The following RPGRIP1L variants were observed in gnomAD, a reference collection of about 807,000 sequenced individuals.
RPGRIP1L encodes the protein protein fantom.
Under a neutral mutation model 160.4 loss-of-function variants are expected in RPGRIP1L, and 131 were observed. The ratio of observed to expected loss-of-function variants is 0.82; its 90% CI spans 0.71 to 0.94. The LOEUF (loss-of-function observed/expected upper bound fraction) is 0.94, where lower values mean the gene tolerates loss of function less well. RPGRIP1L is among the 40% of genes least tolerant of loss of function. The pLI, the probability that RPGRIP1L is intolerant of heterozygous loss-of-function variation, is 0.00. For synonymous variants in RPGRIP1L, 510 were observed against 515.8 expected, an observed-to-expected ratio of 0.99 and a Z score of 0.15; for missense variants, 1,522 against 1,535.8, an observed-to-expected ratio of 0.99 and a Z score of 0.15.
At chr16:53,695,355 G>A in intron 3 of RPGRIP1L, 1 of 702,962 alleles carries the variant, frequency 1.4e-6, no homozygotes, top group South Asian at 1.5e-5. Context: ...GGTTGTTGAA[G>A]TCCACAGAGT....
intron 22 of RPGRIP1L, among the ~76,000 whole-genome samples, chr16:53,633,934 G>GA (rs1464286521): frequency 2.0e-5 from 3 of 152,154 alleles, no homozygotes; most frequent in African/African-American, 7.2e-5. Context: ...AAAATCAATA[G>GA]AAAATCCTGT....
chr16:53,615,465 T>C (rs1015759891), intron 24 of RPGRIP1L, among the ~76,000 whole-genome samples: 1 of 68,088 alleles, frequency 1.5e-5, no homozygotes, highest in African/African-American at 5.6e-5. Context: ...TATATATATA[T>C]ATATATATTT....
chr16:53,634,885 T>C (rs1444239957), intron 22 of RPGRIP1L, among the ~76,000 whole-genome samples: 1 of 152,190 alleles, frequency 6.6e-6, no homozygotes, highest in Non-Finnish European at 1.5e-5. Context: ...CATAGGATGC[T>C]GGTCAGTGAC....
intron 16 of RPGRIP1L, among the ~76,000 whole-genome samples, chr16:53,648,038 A>G (rs1453043189): frequency 7.0e-6 from 1 of 142,000 alleles, no homozygotes; most frequent in Non-Finnish European, 1.5e-5. Context: ...CGGGAGGCGG[A>G]GCTTGCAGTG....
In RPGRIP1L at chr16:53,686,913, T is replaced by C. The variant is rs942749743; in HGVS notation, c.633-337A>G. On this transcript the variant is annotated intron_variant, in intron 5 of 26. Transcript: ENST00000647211. ...ATTTATATGTCTTTGTTCTTTCATA[T>C]ATGCACATCTGCTTATAACACCCAA... Among the ~76,000 whole-genome samples, 7 of 152,190 alleles carry C rather than the reference T, an allele frequency of 4.6e-5. 1 individual carries two copies. Among genetic ancestry groups the C allele is most frequent in the Admixed American group, 3.9e-4 (6 of 15,274 alleles).
At chr16:53,613,303 A>T (rs1964167992) in intron 24 of RPGRIP1L, among the ~76,000 whole-genome samples, 1 of 150,744 alleles carries the variant, frequency 6.6e-6, no homozygotes, top group African/African-American at 2.4e-5. Flanking sequence ...GTCATTCTAA[A>T]TTTACCTTTT....
chr16:53,661,167 G>A (rs1967758542), intron 10 of RPGRIP1L, among the ~76,000 whole-genome samples: 1 of 151,664 alleles, frequency 6.6e-6, no homozygotes, highest in Non-Finnish European at 1.5e-5. Context: ...GGTGGTGCAT[G>A]CCTGTAGTCC....
chr16:53,604,390 C>G (rs915619090), intron 26 of RPGRIP1L, among the ~76,000 whole-genome samples: 1 of 152,210 alleles, frequency 6.6e-6, no homozygotes, highest in African/African-American at 2.4e-5. Flanking sequence ...AATATGTAAA[C>G]AAGTCATGCA....
At chr16:53,615,379 A>G (rs1964297537) in intron 24 of RPGRIP1L, among the ~76,000 whole-genome samples, 2 of 151,398 alleles carry the variant, frequency 1.3e-5, no homozygotes, top group African/African-American at 4.9e-5. Flanking sequence ...ATAAAATACA[A>G]ATGTTTTGTT....
chr16:53,671,541 A>C lies in RPGRIP1L; in HGVS notation c.1072T>G (p.Leu358Val), dbSNP rs147295026. 6.3e-7 allele frequency: 1 copy of C among 1,579,416 alleles called. No homozygotes were observed. Among genetic ancestry groups the C allele is most frequent in the South Asian group, 1.1e-5 (1 of 89,950 alleles). ...INDLEKEREL[L>V]KENYDKLYDS... ...TAAAGTTTATCATAGTTTTCCTTTA[A>C]AAGTTCCCGTTCCTTTTCTAAATCA... Residue 358 changes from leucine to valine, a missense_variant, in exon 9 of 27, where the codon TTA (leucine) becomes GTA (valine). Coordinates refer to ENST00000647211, the MANE Select transcript of RPGRIP1L (RefSeq NM_015272.5).
chr16:53,634,684 T>G (rs967497298), intron 22 of RPGRIP1L, among the ~76,000 whole-genome samples: 2 of 152,126 alleles, frequency 1.3e-5, no homozygotes, highest in African/African-American at 4.8e-5. Context: ...TGCCATGTGA[T>G]CTACACATGC....
intron 19 of RPGRIP1L, 22 bp from the exon 20 acceptor site, chr16:53,638,433 G>A (rs1262789467): frequency 2.5e-6 from 3 of 1,216,948 alleles, no homozygotes; most frequent in Admixed American, 1.7e-5. Flanking sequence ...GTGAAAACAC[G>A]CATGTATGTC....
chr16:53,630,048 G>T (rs552084862), intron 22 of RPGRIP1L, among the ~76,000 whole-genome samples: 2 of 151,704 alleles, frequency 1.3e-5, no homozygotes, highest in African/African-American at 2.4e-5. Context: ...TATTTCTTTT[G>T]TGTGTGTGTG....
At chr16:53,696,404 G>A (rs1970761817) in intron 2 of RPGRIP1L, 109 bp from the exon 3 acceptor site, 5 of 1,090,860 alleles carry the variant, frequency 4.6e-6, no homozygotes, top group Admixed American at 3.5e-5. Context: ...TTTCCTTTGT[G>A]ACCTACAGTT....
Position 53,615,472 on chromosome 16 carries a change from A to ATTTTTT in RPGRIP1L, c.3616+3547_3616+3552dup, listed in dbSNP as rs1166401715. Among the ~76,000 whole-genome samples, 258 of 75,028 alleles carry ATTTTTT rather than the reference A, an allele frequency of 3.4e-3. 4 individuals carry two copies. The highest frequency in any genetic ancestry group is 0.013 in the African/African-American group (246 of 18,844). The allele number at this position is 75,028 out of a possible 152,430, so 49.2% of individuals were successfully genotyped here. A position where few individuals can be genotyped will look rare whatever the true frequency, so the allele number is the denominator to read the frequency against. Reference sequence around the variant, plus strand: ...TAAGAATATATATATATATATATATATTTTTTTTTTTTTTTTTTTGAGATG... The same window carrying ATTTTTT: ...TAAGAATATATATATATATATATATATTTTTTTTTTTTTTTTTTTTTTTTTGAGATG... On this transcript the variant is annotated intron_variant, in intron 24 of 26. Transcript: ENST00000647211.
In RPGRIP1L at chr16:53,605,468, C is replaced by G. The variant is rs776026998; in HGVS notation, c.3835+13G>C. ...TGTTGGTTGCACAAACTGAGCAACA[C>G]TTTCACCCATACCATCGATATTTTG... On this transcript the variant is annotated intron_variant, in intron 26 of 26. Coordinates refer to ENST00000647211, the MANE Select transcript of RPGRIP1L (RefSeq NM_015272.5). 6.2e-7 allele frequency: 1 copy of G among 1,614,160 alleles called. No individual in the cohort carries two copies. Among genetic ancestry groups the G allele is most frequent in the Admixed American group, 1.7e-5 (1 of 60,024 alleles).
chr16:53,678,671 G>A (rs1411396318), intron 6 of RPGRIP1L, among the ~76,000 whole-genome samples: 4 of 152,060 alleles, frequency 2.6e-5, no homozygotes, highest in Non-Finnish European at 5.9e-5. Context: ...AGAAGAGAAG[G>A]CTTTAAAACA....
rs1169906898 is a variant in RPGRIP1L, at chr16:53,664,917, T to G, written c.1196A>C (p.Asp399Ala). The G allele has an allele frequency of 6.2e-7, 1 of 1,612,826 alleles. No homozygotes were observed. Among genetic ancestry groups the G allele is most frequent in the African/African-American group, 1.3e-5 (1 of 74,930 alleles). The change falls in exon 10 of 27, where the codon GAC becomes GCC. Residue 399 changes from aspartate (D) to alanine (A), a missense_variant. Transcript: ENST00000647211. ...IAQLETALKS[D>A]LTDKTEILDR... ...AAGGATTTCAGTTTTGTCTGTTAAG[T>G]CAGACTTCAAGGCAGTCTCGAGCTG...
At chr16:53,658,348 G>T in intron 12 of RPGRIP1L, 66 bp downstream of exon 12, 1 of 1,117,150 alleles carries the variant, frequency 9.0e-7, no homozygotes. Flanking sequence ...TTACAGATAA[G>T]GGTCATCATT....
Sources: allele counts gnomAD v4.1 joint callset (sites outside exome capture counted in the v4.1 genomes callset), GRCh38; gene constraint gnomAD v4.1.1; transcripts MANE v1.5; gene names NCBI Gene and HGNC (gene_info 2026-07-23, HGNC 2026-07-21).